Variants in PLEKHA6 observed in about 807,000 individuals in gnomAD.
PLEKHA6 encodes pleckstrin homology domain-containing family A member 6.
Under a neutral mutation model 116.7 loss-of-function variants are expected in PLEKHA6, and 60 were observed. That is an observed-to-expected ratio of 0.51 (90% CI 0.42 to 0.64). The LOEUF is 0.64. PLEKHA6 is among the 30% of genes least tolerant of loss of function. The probability of loss-of-function intolerance (pLI) is 0.00; values close to 1 mark genes in which losing one functional copy is unlikely to be tolerated. For synonymous variants in PLEKHA6, 489 were observed against 556.1 expected (o/e 0.88, Z 1.70); for missense variants, 1,338 against 1,422.7 (o/e 0.94, Z 0.96).
intron 1 of PLEKHA6, among the ~76,000 whole-genome samples, chr1:204,355,757 C>T (rs113293273): frequency 0.028 from 4,290 of 152,148 alleles, 74 homozygotes; most frequent in East Asian, 0.047. Context: ...ATCTTAATGA[C>T]TCTGCACACA....
intron 1 of PLEKHA6, among the ~76,000 whole-genome samples, chr1:204,331,463 C>A (rs576872565): frequency 6.6e-6 from 1 of 152,302 alleles, no homozygotes; most frequent in East Asian, 1.9e-4. Context: ...TCCCAGGCTG[C>A]TTCCTCCCTT....
chr1:204,241,411 C>A lies in PLEKHA6; in HGVS notation c.2373G>T (p.Arg791Ser), dbSNP rs774122579. The A allele has an allele frequency of 5.0e-6, 8 of 1,612,050 alleles. 1 individual carries two copies. Among genetic ancestry groups the A allele is most frequent in the Admixed American group, 1.7e-5 (1 of 59,816 alleles). ...DEVTPSAVVR[R>S]NASGLTNGLS... The stretch of plus-strand genomic sequence containing the variant: ...GTCCATTGGTGAGCCCACTGGCATT[C>A]CTTCTTACCACTGCTGATGGGGTCA... Residue 791 changes from arginine to serine, a missense_variant, in exon 17 of 23, where the codon AGG becomes AGT. Coordinates refer to ENST00000272203, the MANE Select transcript of PLEKHA6 (RefSeq NM_014935.5).
intron 1 of PLEKHA6, among the ~76,000 whole-genome samples, chr1:204,298,323 A>G (rs1670484926): frequency 6.6e-6 from 1 of 152,258 alleles, no homozygotes; most frequent in South Asian, 2.1e-4. Context: ...TTTAGAAACA[A>G]TGAGCTTTCC....
In PLEKHA6 at chr1:204,261,465, C is replaced by T. The variant is rs746811098; in HGVS notation, c.382-17G>A. On this transcript the variant is annotated splice_polypyrimidine_tract_variant and intron_variant, in intron 6 of 22. Coordinates refer to ENST00000272203, the MANE Select transcript of PLEKHA6 (RefSeq NM_014935.5). The surrounding 1 kb of genome is among the most constrained non-coding windows in gnomAD (Gnocchi z 4.0). ...ATGCTCAGCCTGTGGGGAGAGGCAGCGTGTGGAGCTGGCCTCGGCCTCATC... is the reference window on the plus strand; with the variant it reads ...ATGCTCAGCCTGTGGGGAGAGGCAGTGTGTGGAGCTGGCCTCGGCCTCATC... 2.1e-5 allele frequency: 34 copies of T among 1,594,558 alleles called. No individual in the cohort carries two copies. Among genetic ancestry groups the T allele is most frequent in the East Asian group, 6.7e-5 (3 of 44,598 alleles).
At position 204,257,451 on chromosome 1, in the gene PLEKHA6, AGCGGACAGGGGAGTAAAT is replaced by A; in HGVS notation, c.1408_1425del (p.Ile470_Arg475del). On this transcript the variant is annotated inframe_deletion, in exon 9 of 23. Transcript: ENST00000272203. The surrounding 1 kb of genome is among the most constrained non-coding windows in gnomAD (Gnocchi z 6.5). ...AGCCGCTCAAAACGGGCACTGGGTG[AGCGGACAGGGGAGTAAAT>A]GCGGGCACGGCTGTAGGAGCCCTGG... 1 of 1,569,926 alleles carries A rather than the reference AGCGGACAGGGGAGTAAAT, an allele frequency of 6.4e-7. No homozygotes were observed. The highest frequency in any genetic ancestry group is 8.6e-7 in the Non-Finnish European group (1 of 1,156,372).
intron 9 of PLEKHA6, chr1:204,255,779 G>T (rs1571909326): frequency 2.9e-6 from 2 of 683,288 alleles, no homozygotes; most frequent in Non-Finnish European, 2.7e-6. Flanking sequence ...TTAAGAGTTA[G>T]CGACAAGGAC....
intron 1 of PLEKHA6, among the ~76,000 whole-genome samples, chr1:204,308,434 T>C (rs1156497106): frequency 2.6e-5 from 4 of 152,216 alleles, no homozygotes; most frequent in Admixed American, 6.5e-5. Context: ...AATCAATCAA[T>C]GTCAGTTGGA....
intron 3 of PLEKHA6, among the ~76,000 whole-genome samples, chr1:204,365,471 G>T (rs933368939): frequency 4.6e-5 from 7 of 152,188 alleles, no homozygotes; most frequent in Non-Finnish European, 8.8e-5. Flanking sequence ...ACCCATGGGG[G>T]AGGCATGAGA....
intron 17 of PLEKHA6, among the ~76,000 whole-genome samples, chr1:204,232,455 G>A (rs1558025909): frequency 6.6e-6 from 1 of 152,138 alleles, no homozygotes; most frequent in Admixed American, 6.5e-5. Flanking sequence ...TATGTCTCAT[G>A]AACCCAATCG....
chr1:204,316,049 G>T (rs1379206853), intron 1 of PLEKHA6, among the ~76,000 whole-genome samples: 1 of 152,178 alleles, frequency 6.6e-6, no homozygotes, highest in Non-Finnish European at 1.5e-5. Flanking sequence ...AGCTGGACGG[G>T]TATTTGGGGG....
At chr1:204,308,089 C>T (rs1193849599) in intron 1 of PLEKHA6, among the ~76,000 whole-genome samples, 1 of 152,180 alleles carries the variant, frequency 6.6e-6, no homozygotes, top group Admixed American at 6.5e-5. Flanking sequence ...TTTGTGCTTC[C>T]ACCCATAATA....
In PLEKHA6 at chr1:204,259,408, G is replaced by A. The variant is rs267598321; in HGVS notation, c.857C>T (p.Pro286Leu). Reference sequence around the variant, plus strand: ...TCCCCCAGTCTCTCCATCCTGAGACGGGAAAGCTGTGCTCCCTGGCCGGCT... The same window carrying A: ...TCCCCCAGTCTCTCCATCCTGAGACAGGAAAGCTGTGCTCCCTGGCCGGCT... ...SPSRPGSTAF[P>L]SQDGETGGHR... The change falls in exon 8 of 23, where the codon CCG becomes CTG. Residue 286 changes from proline (P) to leucine (L), a missense_variant. By Grantham distance (98) the Pro-to-Leu change is moderately conservative. Around this residue, in one of 3 missense-constraint regions of PLEKHA6, gnomAD observed 1,136 missense variants for 1,163.6 expected, o/e 0.98. Transcript: ENST00000272203. This position sits in a 1 kb window ranked among gnomAD's most constrained non-coding sequence, Gnocchi z 4.6. 37 of 1,614,200 alleles carry A rather than the reference G, an allele frequency of 2.3e-5. 1 individual carries two copies. The East Asian group carries it at 3.3e-4, about 15-fold the overall frequency.
chr1:204,272,852 G>A (rs979049079), intron 3 of PLEKHA6, among the ~76,000 whole-genome samples: 2 of 152,172 alleles, frequency 1.3e-5, no homozygotes, highest in African/African-American at 2.4e-5. Flanking sequence ...TACAGCTCCA[G>A]TTCATTTTAA....
intron 3 of PLEKHA6, among the ~76,000 whole-genome samples, chr1:204,273,014 C>T (rs1667631437): frequency 6.6e-6 from 1 of 152,202 alleles, no homozygotes; most frequent in South Asian, 2.1e-4. Context: ...TCACACCACT[C>T]AAACTGCCCT....
At chr1:204,229,570 GC>G (rs1174600469) in intron 18 of PLEKHA6, among the ~76,000 whole-genome samples, 1 of 152,078 alleles carries the variant, frequency 6.6e-6, no homozygotes, top group Non-Finnish European at 1.5e-5. Context: ...AATCCACCAT[GC>G]CCAGCTACTT....
rs1667056159 is a variant in PLEKHA6 at position 204,268,250 on chromosome 1, G to C, written c.165C>G (p.Asn55Lys). The C allele has an allele frequency of 1.2e-6, 2 of 1,612,556 alleles. No homozygotes were observed. Among genetic ancestry groups the C allele is most frequent in the South Asian group, 2.2e-5 (2 of 90,874 alleles). ...FGKRSHSMKR[N>K]PNAPVTKAGW... ...CCGCCTTGGTGACAGGTGCATTGGG[G>C]TTCCGCTTCATGGAGTGTGAGCGCT... Residue 55 changes from asparagine (N) to lysine (K), a missense_variant, in exon 4 of 23, where the codon AAC (asparagine) becomes AAG (lysine). By Grantham distance (94) the Asn-to-Lys change is moderately conservative. Coordinates refer to ENST00000272203, the MANE Select transcript of PLEKHA6 (RefSeq NM_014935.5).
chr1:204,224,731 C>T (rs955749644), intron 21 of PLEKHA6, among the ~76,000 whole-genome samples: 9 of 152,234 alleles, frequency 5.9e-5, no homozygotes, highest in Non-Finnish European at 1.2e-4. Context: ...TGTGTACTTC[C>T]AAGCCTGTGC....
chr1:204,224,360 A>G (rs567208840), intron 21 of PLEKHA6, among the ~76,000 whole-genome samples: 1 of 151,902 alleles, frequency 6.6e-6, no homozygotes, highest in Non-Finnish European at 1.5e-5. Context: ...ATGCATCCTC[A>G]CTGTAGCCGC....
At chr1:204,243,187 G>C in intron 15 of PLEKHA6, 3 of 399,308 alleles carry the variant, frequency 7.5e-6, no homozygotes, top group Non-Finnish European at 1.3e-5. Flanking sequence ...GCTCTCGCTA[G>C]GGAGTGGAGG....
Sources: allele counts gnomAD v4.1 joint callset (sites outside exome capture counted in the v4.1 genomes callset), GRCh38; gene constraint gnomAD v4.1.1; regional missense constraint gnomAD v4.1.1; non-coding constraint Gnocchi (gnomAD v3.1); transcripts MANE v1.5; gene names NCBI Gene and HGNC (gene_info 2026-07-23, HGNC 2026-07-21).